Variants in GZF1 observed in about 807,000 individuals in gnomAD.
GZF1 encodes the protein GDNF-inducible zinc finger protein 1.
In GZF1, 28 loss-of-function variants were observed where a neutral mutation model predicts 49.4. That is an observed-to-expected ratio of 0.57 (90% CI 0.42 to 0.78). GZF1 has a LOEUF of 0.78. Ranked by LOEUF, GZF1 falls within the 30% of genes least tolerant of loss-of-function variation. The pLI, the probability that GZF1 is intolerant of heterozygous loss-of-function variation, is 0.00. For missense variants in GZF1, 798 were observed against 916.2 expected (o/e 0.87, Z 1.67); for synonymous variants, 364 against 356.0 (o/e 1.02, Z -0.25).
At position 23,368,916 on chromosome 20, in the gene GZF1, T is replaced by G. The variant is rs1238903874; in HGVS notation, c.1614T>G (p.Ile538Met). 6.2e-7 allele frequency: 1 copy of G among 1,612,894 alleles called. No individual in the cohort carries two copies. The highest frequency in any genetic ancestry group is 8.5e-7 in the Non-Finnish European group (1 of 1,179,482). Residue 538 changes from isoleucine to methionine, a missense_variant, in exon 4 of 6, where the codon ATT (isoleucine) becomes ATG (methionine). Around this residue, in one of 3 missense-constraint regions of GZF1, gnomAD observed 446 missense variants for 540.1 expected, o/e 0.83. Transcript: ENST00000338121. ...FAQRNSLYQH[I>M]KVHTGERPYC... ...AGCGGAATTCACTGTACCAGCATATTAAAGTCCACACAGGTATGGTTGGAA... is the reference window on the plus strand; with the variant it reads ...AGCGGAATTCACTGTACCAGCATATGAAAGTCCACACAGGTATGGTTGGAA...
intron 3 of GZF1, among the ~76,000 whole-genome samples, chr20:23,367,750 A>G (rs1464978601): frequency 6.6e-6 from 1 of 152,258 alleles, no homozygotes; most frequent in Non-Finnish European, 1.5e-5. Context: ...TTTATTAATT[A>G]TGTGACAGAT....
At chr20:23,368,189 A>G (rs1422483700) in intron 3 of GZF1, among the ~76,000 whole-genome samples, 1 of 151,062 alleles carries the variant, frequency 6.6e-6, no homozygotes, top group African/African-American at 2.4e-5. Context: ...TAATATTAAC[A>G]TGGTAAGATT....
In GZF1 at chr20:23,370,310, G is replaced by A. The variant is rs755748105; in HGVS notation, c.2005G>A (p.Ala669Thr). Residue 669 changes from alanine (A) to threonine (T), a missense_variant, in exon 6 of 6, where the codon GCC becomes ACC. Physicochemically the swap from Ala to Thr is moderately conservative, Grantham distance 58 (BLOSUM62 0). Transcript: ENST00000338121. ...GCAGGAGAACAGTTCTGCTGACACAGCCTGCAAGGCAGATGACTCCGTGGT... is the reference window on the plus strand; with the variant it reads ...GCAGGAGAACAGTTCTGCTGACACAACCTGCAAGGCAGATGACTCCGTGGT... ...TMQENSSADT[A>T]CKADDSVVSQ... is the part of the protein sequence containing the mutation. 1.2e-6 allele frequency: 2 copies of A among 1,614,142 alleles called. No individual in the cohort carries two copies. Among genetic ancestry groups the A allele is most frequent in the South Asian group, 2.2e-5 (2 of 91,082 alleles).
chr20:23,365,273 C>T lies in GZF1; in HGVS notation c.890C>T (p.Pro297Leu), dbSNP rs1414276228. The change falls in exon 2 of 6, where the codon CCG (proline) becomes CTG (leucine). Residue 297 changes from proline (P) to leucine (L), a missense_variant. By Grantham distance (98) the Pro-to-Leu change is moderately conservative (BLOSUM62 -3). Coordinates refer to ENST00000338121, the MANE Select transcript of GZF1 (RefSeq NM_022482.5). Reference sequence around the variant, plus strand: ...GAGGAATTGTCAAAGAAAGCAGGGCCGGAGGAGGAAGAGGAGGAGGAGGAG... The same window carrying T: ...GAGGAATTGTCAAAGAAAGCAGGGCTGGAGGAGGAAGAGGAGGAGGAGGAG... ...ELEELSKKAGPEEEEEEEEED... is the reference protein window; with the variant it reads ...ELEELSKKAGLEEEEEEEEED... The T allele has an allele frequency of 2.7e-5, 43 of 1,605,992 alleles. No individual in the cohort carries two copies. Among genetic ancestry groups the T allele is most frequent in the Non-Finnish European group, 3.4e-5 (40 of 1,175,794 alleles).
In GZF1 at chr20:23,365,704, G is replaced by A; in HGVS notation, c.1321G>A (p.Gly441Ser). The change falls in exon 2 of 6, where the codon GGC (glycine) becomes AGC (serine). Residue 441 changes from glycine to serine, a missense_variant. Physicochemically the swap from Gly to Ser is moderately conservative, Grantham distance 56. Coordinates refer to ENST00000338121, the MANE Select transcript of GZF1 (RefSeq NM_022482.5). ...CCGGCCCTACGGCTGCACCGAGTGC[G>A]GCGCCAGGTTCTCGCAGCCGTCCGC... ...GDRPYGCTEC[G>S]ARFSQPSALK... is the part of the protein sequence containing the mutation. The A allele has an allele frequency of 1.9e-6, 3 of 1,568,940 alleles. No homozygotes were observed. The highest frequency in any genetic ancestry group is 2.6e-6 in the Non-Finnish European group (3 of 1,162,378).
chr20:23,366,416 C>CTATA (rs919043020), intron 2 of GZF1, among the ~76,000 whole-genome samples: 4 of 152,146 alleles, frequency 2.6e-5, no homozygotes, highest in African/African-American at 7.2e-5. Context: ...ATTTTTTACT[C>CTATA]TATATAATAA....
upstream of GZF1, among the ~76,000 whole-genome samples, chr20:23,361,320 G>A (rs1980632875): frequency 6.6e-6 from 1 of 152,230 alleles, no homozygotes; most frequent in South Asian, 2.1e-4. Context: ...CAAGGAAGGT[G>A]TTTCAAAGCG....
At position 23,365,061 on chromosome 20, in the gene GZF1, G is replaced by C; in HGVS notation, c.678G>C (p.Leu226=). The part of the protein sequence containing the change: ...YPKIRRASGR[L]AGRKVFVEIP... ...AAATCAGGAGAGCTAGTGGAAGGCT[G>C]GCTGGGAGGAAGGTCTTTGTGGAGA... The change falls in exon 2 of 6, where the codon CTG becomes CTC. Residue 226 remains leucine (L), a synonymous_variant. Coordinates refer to ENST00000338121, the MANE Select transcript of GZF1 (RefSeq NM_022482.5). 1 of 1,614,110 alleles carries C rather than the reference G, an allele frequency of 6.2e-7. No homozygotes were observed. The highest frequency in any genetic ancestry group is 8.5e-7 in the Non-Finnish European group (1 of 1,180,046).
At chr20:23,364,050 A>C (rs1011115346) in intron 1 of GZF1, among the ~76,000 whole-genome samples, 3 of 152,236 alleles carry the variant, frequency 2.0e-5, no homozygotes, top group African/African-American at 7.2e-5. Context: ...ATGTAAGCAA[A>C]TTAGACAGTG....
At chr20:23,367,226 T>C in intron 3 of GZF1, 129 bp downstream of exon 3, 1 of 650,998 alleles carries the variant, frequency 1.5e-6, no homozygotes, top group Non-Finnish European at 2.7e-6. Flanking sequence ...TTCCATCTAG[T>C]AAGTGAGCAA....
At chr20:23,361,296 C>T (rs1209422680), upstream of GZF1, among the ~76,000 whole-genome samples, 1 of 152,206 alleles carries the variant, frequency 6.6e-6, no homozygotes, top group Non-Finnish European at 1.5e-5. Context: ...TTATTGAGAA[C>T]TGGAAGTCTG....
rs748463791 is a variant in GZF1 at position 23,370,395 on chromosome 20, C to T, written c.2090C>T (p.Thr697Ile). 7 of 1,613,864 alleles carry T rather than the reference C, an allele frequency of 4.3e-6. No individual in the cohort carries two copies. The highest frequency in any genetic ancestry group is 1.3e-5 in the African/African-American group (1 of 74,940). Reference protein sequence around the residue: ...ISELSELTPQTDSMPTQLHSL... With the variant: ...ISELSELTPQIDSMPTQLHSL... Reference sequence around the variant, plus strand: ...GAGCTTAGCGAGCTGACCCCACAGACAGACTCGATGCCCACACAGCTTCAC... The same window carrying T: ...GAGCTTAGCGAGCTGACCCCACAGATAGACTCGATGCCCACACAGCTTCAC... The change falls in exon 6 of 6, where the codon ACA (threonine) becomes ATA (isoleucine). Residue 697 changes from threonine to isoleucine, a missense_variant. This residue lies in a region of GZF1 where 446 missense variants were observed against 540.1 expected (regional missense o/e 0.83). Transcript: ENST00000338121.
chr20:23,365,864 T>C lies in GZF1; in HGVS notation c.1364+117T>C, dbSNP rs16985277. The C allele has an allele frequency of 2.4e-3, 3,404 of 1,395,436 alleles. 74 individuals are homozygous for C. In the African/African-American group the frequency reaches 0.045, roughly 18 times the overall value. 86.4% of individuals were successfully genotyped at this position (1,395,436 alleles called of 1,614,324 possible). A position where few individuals can be genotyped will look rare whatever the true frequency, so the allele number is the denominator to read the frequency against. ...ATTTCTCCGCTCCAAACCTGGGGGC[T>C]TATTTCGAGACAGCGTTTAGTTCTC... On this transcript the variant is annotated intron_variant, in intron 2 of 5. Transcript: ENST00000338121.
chr20:23,369,158 G>A (rs1203914159), intron 4 of GZF1, among the ~76,000 whole-genome samples: 1 of 152,212 alleles, frequency 6.6e-6, no homozygotes, highest in African/African-American at 2.4e-5. Flanking sequence ...TTGCTACATG[G>A]AGTTTTTACT....
intron 1 of GZF1, among the ~76,000 whole-genome samples, chr20:23,363,845 T>C (rs540689919): frequency 3.9e-5 from 6 of 152,232 alleles, no homozygotes; most frequent in Non-Finnish European, 7.4e-5. Flanking sequence ...GGCGATGAAT[T>C]GTGAACTACT....
At position 23,364,457 on chromosome 20, in the gene GZF1, G is replaced by A. The variant is rs745818348; in HGVS notation, c.74G>A (p.Arg25His). The change falls in exon 2 of 6, where the codon CGC (arginine) becomes CAC (histidine). Residue 25 changes from arginine to histidine, a missense_variant. Around this residue, in one of 3 missense-constraint regions of GZF1, gnomAD observed 105 missense variants for 147.5 expected, o/e 0.71. Coordinates refer to ENST00000338121, the MANE Select transcript of GZF1 (RefSeq NM_022482.5). Reference protein sequence around the residue: ...FNLLHEMHELRLLGHLCDVTV... With the variant: ...FNLLHEMHELHLLGHLCDVTV... ...CTACTGCATGAGATGCATGAGCTTC[G>A]CCTCCTGGGTCACCTGTGTGACGTG... 1.2e-5 allele frequency: 19 copies of A among 1,614,058 alleles called. No individual in the cohort carries two copies. The highest frequency in any genetic ancestry group is 8.3e-5 in the Admixed American group (5 of 60,006).
chr20:23,367,539 C>T (rs527400379), intron 3 of GZF1, among the ~76,000 whole-genome samples: 3 of 152,250 alleles, frequency 2.0e-5, no homozygotes, highest in East Asian at 1.9e-4. Flanking sequence ...TGGCTTATGA[C>T]CCGGCTATTC....
rs1174700869 is a variant in GZF1 at position 23,369,887 on chromosome 20, A to G, written c.1785+146A>G. On this transcript the variant is annotated intron_variant, in intron 5 of 5. Coordinates refer to ENST00000338121, the MANE Select transcript of GZF1 (RefSeq NM_022482.5). ...GGGTTGTCTCTGCAGTGGAACGCTC[A>G]CGGAATGAATGAAGTGGAACACCAA... 10 of 1,005,940 alleles carry G rather than the reference A, an allele frequency of 9.9e-6. No homozygotes were observed. The East Asian group carries it at 2.6e-4, about 26-fold the overall frequency. 62.3% of individuals were successfully genotyped at this position (1,005,940 alleles called of 1,614,324 possible).
At position 23,365,614 on chromosome 20, in the gene GZF1, C is replaced by A. The variant is rs1014372981; in HGVS notation, c.1231C>A (p.Gln411Lys). 1.9e-6 allele frequency: 3 copies of A among 1,606,306 alleles called. No homozygotes were observed. Among genetic ancestry groups the A allele is most frequent in the Non-Finnish European group, 2.5e-6 (3 of 1,179,424 alleles). ...CGGCGGCGAGCGGCACCGCTGCGGCCAGTGCGGCAAGGGCCTGAGTTCCAA... is the reference window on the plus strand; with the variant it reads ...CGGCGGCGAGCGGCACCGCTGCGGCAAGTGCGGCAAGGGCCTGAGTTCCAA... ...EGGGERHRCG[Q>K]CGKGLSSKTA... The change falls in exon 2 of 6, where the codon CAG becomes AAG. Residue 411 changes from glutamine to lysine, a missense_variant. Around this residue, in one of 3 missense-constraint regions of GZF1, gnomAD observed 446 missense variants for 540.1 expected, o/e 0.83. Transcript: ENST00000338121.
Sources: allele counts gnomAD v4.1 joint callset (sites outside exome capture counted in the v4.1 genomes callset), GRCh38; gene constraint gnomAD v4.1.1; regional missense constraint gnomAD v4.1.1; transcripts MANE v1.5; gene names NCBI Gene and HGNC (gene_info 2026-07-23, HGNC 2026-07-21).